ZNF708: variants seen among roughly 807,000 people sequenced by gnomAD.
The protein encoded by ZNF708 is zinc finger protein 708.
In ZNF708, 44 loss-of-function variants were observed where a neutral mutation model predicts 47.0. The ratio of observed to expected loss-of-function variants is 0.94; its 90% CI spans 0.74 to 1.20. The LOEUF (loss-of-function observed/expected upper bound fraction) is 1.20, where lower values mean the gene tolerates loss of function less well. Among genes scored for constraint, ZNF708 ranks in the 50% most tolerant of loss-of-function variants. The pLI is 0.00. For missense variants in ZNF708, 557 were observed against 656.0 expected (o/e 0.85, Z 1.65); for synonymous variants, 184 against 218.5 (o/e 0.84, Z 1.39).
rs765330283 is a variant in ZNF708 at position 21,293,420 on chromosome 19, A to G, written c.1546T>C (p.Ser516Pro). The change falls in exon 4 of 4, where the codon TCC (serine) becomes CCC (proline). Residue 516 changes from serine (S) to proline (P), a missense_variant. By Grantham distance (74) the Ser-to-Pro change is moderately conservative. Coordinates refer to ENST00000356929, the MANE Select transcript of ZNF708 (RefSeq NM_021269.3). ...CKECGKAFNQSSTLMKHKIIH... is the reference protein window; with the variant it reads ...CKECGKAFNQPSTLMKHKIIH... ...ATCTTATGTTTCATAAGGGTTGAGG[A>G]CTGGTTAAAAGCTTTGCCACATTCT... 5.1e-5 allele frequency: 82 copies of G among 1,613,306 alleles called. No individual in the cohort carries two copies. The highest frequency in any genetic ancestry group is 6.3e-5 in the Non-Finnish European group (74 of 1,179,818).
intron 3 of ZNF708, among the ~76,000 whole-genome samples, chr19:21,299,135 C>T (rs898739090): frequency 1.3e-5 from 2 of 152,162 alleles, no homozygotes; most frequent in African/African-American, 4.8e-5. Flanking sequence ...GCGGGTGGAT[C>T]ACGAGGTCAG....
intron 3 of ZNF708, among the ~76,000 whole-genome samples, chr19:21,296,329 C>T (rs1268224100): frequency 2.0e-5 from 3 of 151,880 alleles, no homozygotes; most frequent in East Asian, 3.9e-4. Flanking sequence ...GGTGAAACCC[C>T]GTTTCTACTA....
intron 1 of ZNF708, among the ~76,000 whole-genome samples, chr19:21,311,345 T>A (rs1972894802): frequency 6.6e-6 from 1 of 151,526 alleles, no homozygotes; most frequent in Non-Finnish European, 1.5e-5. Flanking sequence ...GGTGAAAAAA[T>A]CTTTCAGAGA....
chr19:21,326,758 C>T (rs901665798), intron 1 of ZNF708, among the ~76,000 whole-genome samples: 1 of 151,976 alleles, frequency 6.6e-6, no homozygotes, highest in Admixed American at 6.6e-5. Flanking sequence ...TGGAGAAACC[C>T]CGTTCTCTAC....
intron 2 of ZNF708, among the ~76,000 whole-genome samples, chr19:21,309,748 A>C (rs993610726): frequency 2.0e-5 from 3 of 152,198 alleles, no homozygotes; most frequent in East Asian, 1.9e-4. Context: ...AGAATATTCT[A>C]GTATATTAAT....
At chr19:21,294,847 C>G (rs964777555) in intron 3 of ZNF708, 108 bp from the exon 4 acceptor site, 8 of 1,073,050 alleles carry the variant, frequency 7.5e-6, no homozygotes, top group Non-Finnish European at 9.1e-6. Context: ...CAAAATACTA[C>G]AGATCCTAAA....
intron 3 of ZNF708, among the ~76,000 whole-genome samples, chr19:21,301,454 A>C (rs1972657739): frequency 6.6e-6 from 1 of 151,592 alleles, no homozygotes; most frequent in African/African-American, 2.4e-5. Context: ...CTCTACTAAA[A>C]ATACAAAAAA....
Position 21,328,811 on chromosome 19 carries a change from C to T in ZNF708, c.3+399G>A, listed in dbSNP as rs571165273. Among the ~76,000 whole-genome samples, 20 of 152,324 alleles carry T rather than the reference C, an allele frequency of 1.3e-4. No individual in the cohort carries two copies. The South Asian group carries it at 3.9e-3, about 30-fold the overall frequency. On this transcript the variant is annotated intron_variant, in intron 1 of 3. Transcript: ENST00000356929. ...TTAATATTTTTTGCGATGACTGCCA[C>T]AGATTTTTAATAGGAGAAAATAGGA...
Position 21,292,967 on chromosome 19 carries a change from G to C in ZNF708, c.*307C>G, listed in dbSNP as rs1568342044. 3 of 253,234 alleles carry C rather than the reference G, an allele frequency of 1.2e-5. No homozygotes were observed. The South Asian group carries it at 2.0e-4, about 17-fold the overall frequency. The allele number at this position is 253,234 out of a possible 1,614,324, so 15.7% of individuals were successfully genotyped here. On this transcript the variant is annotated 3_prime_UTR_variant, in exon 4 of 4. Coordinates refer to ENST00000356929, the MANE Select transcript of ZNF708 (RefSeq NM_021269.3). ...TTCGCATTTTTAAAGTTCCTCACCAGTATGATTTATTTTATGTTTAGAAAA... is the reference window on the plus strand; with the variant it reads ...TTCGCATTTTTAAAGTTCCTCACCACTATGATTTATTTTATGTTTAGAAAA...
chr19:21,303,649 T>C (rs955893969), intron 3 of ZNF708, among the ~76,000 whole-genome samples: 1 of 151,858 alleles, frequency 6.6e-6, no homozygotes, highest in African/African-American at 2.4e-5. Flanking sequence ...AAGCATACAA[T>C]ATGCTGCCTA....
chr19:21,308,835 G>T (rs1972839830), intron 3 of ZNF708, among the ~76,000 whole-genome samples: 3 of 151,796 alleles, frequency 2.0e-5, no homozygotes, highest in Admixed American at 6.6e-5. Context: ...GAAATGTGCA[G>T]AAAAATAAAA....
intron 1 of ZNF708, among the ~76,000 whole-genome samples, chr19:21,324,168 C>T (rs1425660823): frequency 1.3e-5 from 2 of 151,974 alleles, no homozygotes; most frequent in East Asian, 1.9e-4. Context: ...GGTGTGAACC[C>T]GGGAGGTGGA....
intron 3 of ZNF708, among the ~76,000 whole-genome samples, chr19:21,297,929 T>C (rs932923709): frequency 1.3e-5 from 2 of 151,286 alleles, no homozygotes; most frequent in Non-Finnish European, 2.9e-5. Context: ...CACTGAACAA[T>C]AGTAGTTTCA....
rs62107534 is a variant in ZNF708 at position 21,329,389 on chromosome 19, C to T, written c.-177G>A. 95 of 927,450 alleles carry T rather than the reference C, an allele frequency of 1.0e-4. No homozygotes were observed. The highest frequency in any genetic ancestry group is 1.5e-4 in the Non-Finnish European group (93 of 605,918). 57.5% of individuals were successfully genotyped at this position (927,450 alleles called of 1,614,324 possible). ...CGCCAAACCCGGAAGCCGCCCTGTC[C>T]GGTCCAGCTGCGTGTCTGAGTGAAC... On this transcript the variant is annotated 5_prime_UTR_variant, in exon 1 of 4. Coordinates refer to ENST00000356929, the MANE Select transcript of ZNF708 (RefSeq NM_021269.3).
intron 3 of ZNF708, among the ~76,000 whole-genome samples, chr19:21,307,514 CG>C (rs1436291713): frequency 1.3e-5 from 2 of 151,924 alleles, no homozygotes; most frequent in Non-Finnish European, 2.9e-5. Flanking sequence ...CCCAGCTACT[CG>C]GGAGGCTGAA....
At chr19:21,309,025 G>A (rs535630988) in intron 3 of ZNF708, among the ~76,000 whole-genome samples, 1 of 152,178 alleles carries the variant, frequency 6.6e-6, no homozygotes, top group South Asian at 2.1e-4. Flanking sequence ...GAGGACTTTA[G>A]CTCACTGTAA....
intron 3 of ZNF708, among the ~76,000 whole-genome samples, chr19:21,299,993 C>A (rs1019321970): frequency 6.6e-6 from 1 of 151,960 alleles, no homozygotes; most frequent in Non-Finnish European, 1.5e-5. Flanking sequence ...CACACCTACA[C>A]AACAAATACA....
intron 3 of ZNF708, among the ~76,000 whole-genome samples, chr19:21,299,784 A>C (rs1972617378): frequency 6.6e-6 from 1 of 152,074 alleles, no homozygotes; most frequent in Non-Finnish European, 1.5e-5. Flanking sequence ...AAAAAAAAAA[A>C]AAAAATTGTT....
intron 3 of ZNF708, among the ~76,000 whole-genome samples, chr19:21,299,814 C>T (rs564141558): frequency 6.6e-6 from 1 of 151,520 alleles, no homozygotes; most frequent in South Asian, 2.1e-4. Flanking sequence ...CTAAATTTTG[C>T]TGTGTTTTTG....
Sources: gnomAD v4.1 joint callset for allele counts (sites outside exome capture counted in the v4.1 genomes callset) on GRCh38, gnomAD v4.1.1 for gene constraint, MANE v1.5 for transcripts, NCBI Gene and HGNC (gene_info 2026-07-23, HGNC 2026-07-21) for gene names.